TCF20: variants seen among roughly 807,000 people sequenced by gnomAD.
TCF20 encodes transcription factor 20.
In TCF20, 3 loss-of-function variants were observed where a neutral mutation model predicts 148.6. The observed-to-expected ratio is 0.02, with a 90% CI of 0.01 to 0.05. The LOEUF (loss-of-function observed/expected upper bound fraction) is 0.05, where lower values mean the gene tolerates loss of function less well. Among genes scored for constraint, TCF20 ranks in the 10% least tolerant of loss-of-function variants. The pLI is 1.00. For missense variants in TCF20, 2,350 were observed against 2,429.3 expected (o/e 0.97, Z 0.69); for synonymous variants, 1,049 against 909.5 (o/e 1.15, Z -2.76).
Position 42,268,050 on chromosome 22 carries a change from G to A in TCF20, c.-37+2289C>T, listed in dbSNP as rs1380827766. 3.9e-5 allele frequency among the ~76,000 whole-genome samples: 6 copies of A among 152,100 alleles called. No homozygotes were observed. The South Asian group carries it at 6.2e-4, about 16-fold the overall frequency. On this transcript the variant is annotated intron_variant, in intron 1 of 5. Transcript: ENST00000677622. Reference sequence around the variant, plus strand: ...AATCCCAGCTACTCGGGAGGCTGACGCAGGAGAATCACCTGAAACTGGGAG... The same window carrying A: ...AATCCCAGCTACTCGGGAGGCTGACACAGGAGAATCACCTGAAACTGGGAG...
intron 1 of TCF20, among the ~76,000 whole-genome samples, chr22:42,218,213 G>C (rs529409126): frequency 1.3e-5 from 2 of 152,232 alleles, no homozygotes; most frequent in Non-Finnish European, 2.9e-5. Flanking sequence ...AGGCAGCAGG[G>C]CTGGGGGCAG....
At chr22:42,223,965 G>C (rs1601619372) in intron 1 of TCF20, among the ~76,000 whole-genome samples, 1 of 152,138 alleles carries the variant, frequency 6.6e-6, no homozygotes, top group Non-Finnish European at 1.5e-5. Flanking sequence ...CTTCCTCCCT[G>C]ACTTGGGAGA....
At position 42,212,210 on chromosome 22, in the gene TCF20, G is replaced by A. The variant is rs2147207506; in HGVS notation, c.3096C>T (p.His1032=). 6.2e-7 allele frequency: 1 copy of A among 1,614,226 alleles called. No homozygotes were observed. The highest frequency in any genetic ancestry group is 8.5e-7 in the Non-Finnish European group (1 of 1,180,042). The change falls in exon 2 of 6, where the codon CAC becomes CAT. Residue 1032 remains histidine, a synonymous_variant. Transcript: ENST00000677622. ...RSRGPGGDPH[H]MNPHMTFSER... ...CTGAAAAGGTCATGTGTGGATTCATGTGATGAGGGTCTCCCCCTGGGCCTC... is the reference window on the plus strand; with the variant it reads ...CTGAAAAGGTCATGTGTGGATTCATATGATGAGGGTCTCCCCCTGGGCCTC...
intron 1 of TCF20, among the ~76,000 whole-genome samples, chr22:42,266,526 A>T (rs1926295663): frequency 6.6e-6 from 1 of 152,168 alleles, no homozygotes; most frequent in South Asian, 2.1e-4. Context: ...GCACTTTGGG[A>T]GGCTGAGGCA....
upstream of TCF20, among the ~76,000 whole-genome samples, chr22:42,273,057 G>T (rs1188373550): frequency 6.6e-6 from 1 of 151,868 alleles, no homozygotes; most frequent in Non-Finnish European, 1.5e-5. Context: ...AGGTGTTGTG[G>T]GACTCTCAAG....
intron 1 of TCF20, among the ~76,000 whole-genome samples, chr22:42,291,941 TGAGG>T (rs998961005): frequency 6.6e-6 from 1 of 151,970 alleles, no homozygotes; most frequent in Admixed American, 6.5e-5. Flanking sequence ...ACCACAGATG[TGAGG>T]GAGGAAGGTC....
chr22:42,167,251 A>G (rs377376196), intron 5 of TCF20, among the ~76,000 whole-genome samples: 122 of 152,332 alleles, frequency 8.0e-4, no homozygotes, highest in African/African-American at 2.7e-3. Flanking sequence ...GAAGGCACTC[A>G]GCAGCCCCCA....
intron 1 of TCF20, among the ~76,000 whole-genome samples, chr22:42,300,084 G>A (rs916439211): frequency 1.3e-5 from 2 of 152,144 alleles, no homozygotes; most frequent in African/African-American, 2.4e-5. Context: ...GGTAGAAGCC[G>A]CTGGGCCTGG....
chr22:42,201,030 T>A (rs1353712973), intron 2 of TCF20, among the ~76,000 whole-genome samples: 2 of 152,194 alleles, frequency 1.3e-5, no homozygotes, highest in Non-Finnish European at 2.9e-5. Context: ...CTGGATCATG[T>A]GGGTGCTATT....
intron 1 of TCF20, among the ~76,000 whole-genome samples, chr22:42,325,367 C>T (rs1195200001): frequency 6.6e-6 from 1 of 152,256 alleles, no homozygotes; most frequent in Non-Finnish European, 1.5e-5. Context: ...GTGGCCCCCA[C>T]TCAGCCACTC....
At chr22:42,181,711 G>A (rs1936784243) in intron 2 of TCF20, among the ~76,000 whole-genome samples, 1 of 150,748 alleles carries the variant, frequency 6.6e-6, no homozygotes, top group Non-Finnish European at 1.5e-5. Flanking sequence ...AGGCTCAGGT[G>A]ATTCTCCTGA....
chr22:42,293,374 G>T (rs1231740930), intron 1 of TCF20, among the ~76,000 whole-genome samples: 1 of 152,246 alleles, frequency 6.6e-6, no homozygotes, highest in Non-Finnish European at 1.5e-5. Flanking sequence ...CTAGGGCTCG[G>T]CATTCAGACA....
Position 42,211,084 on chromosome 22 carries a change from T to C in TCF20, c.4222A>G (p.Arg1408Gly). The C allele has an allele frequency of 6.2e-7, 1 of 1,614,180 alleles. No individual in the cohort carries two copies. The highest frequency in any genetic ancestry group is 1.7e-5 in the Admixed American group (1 of 60,028). The change falls in exon 2 of 6, where the codon AGA becomes GGA. Residue 1408 changes from arginine to glycine, a missense_variant. Around this residue, in one of 7 missense-constraint regions of TCF20, gnomAD observed 231 missense variants for 213.7 expected, o/e 1.08. Coordinates refer to ENST00000677622, the MANE Select transcript of TCF20 (RefSeq NM_001378418.1). ...VAVQDADIEK[R>G]KGEVASDLVS... ...AGGTCCGAAGCCACCTCACCTTTTC[T>C]CTTCTCTATGTCAGCATCCTGAACA...
chr22:42,184,402 G>A (rs937111540), intron 2 of TCF20, among the ~76,000 whole-genome samples: 1 of 152,056 alleles, frequency 6.6e-6, no homozygotes, highest in Non-Finnish European at 1.5e-5. Flanking sequence ...GCCAAAGATA[G>A]AATATAAATA....
In TCF20 at chr22:42,210,014, A is replaced by C; in HGVS notation, c.5292T>G (p.Thr1764=). Residue 1764 remains threonine, a synonymous_variant, in exon 2 of 6, where the codon ACT becomes ACG. Transcript: ENST00000677622. This position sits in a 1 kb window ranked among gnomAD's most constrained non-coding sequence, Gnocchi z 4.7. ...GCTGCTGCTGCTCTTCCTCCTCCTC[A>C]GTGTCCGTCTTGGAGCCATTAGAAG... The part of the protein sequence containing the change: ...KSASNGSKTD[T]EEEEEQQQQQ... 1 of 1,612,696 alleles carries C rather than the reference A, an allele frequency of 6.2e-7. No homozygotes were observed. The highest frequency in any genetic ancestry group is 8.5e-7 in the Non-Finnish European group (1 of 1,179,992).
intron 2 of TCF20, among the ~76,000 whole-genome samples, chr22:42,201,856 T>C (rs543039443): frequency 6.4e-4 from 98 of 152,284 alleles, no homozygotes; most frequent in Non-Finnish European, 1.3e-3. Flanking sequence ...TATCAAAACT[T>C]TGTCATCTCA....
At chr22:42,329,184 G>A (rs1927926830) in intron 1 of TCF20, among the ~76,000 whole-genome samples, 1 of 152,230 alleles carries the variant, frequency 6.6e-6, no homozygotes, top group Admixed American at 6.5e-5. Flanking sequence ...CGGCAGCGCA[G>A]TCACACCAAG....
intron 5 of TCF20, among the ~76,000 whole-genome samples, chr22:42,162,075 G>A (rs1243670490): frequency 7.2e-6 from 1 of 138,936 alleles, no homozygotes; most frequent in Admixed American, 8.3e-5. Flanking sequence ...CTGCCCCCTG[G>A]GTTCAAGTGA....
intron 1 of TCF20, 31 bp from the exon 2 acceptor site, chr22:42,215,372 A>T: frequency 1.3e-6 from 2 of 1,532,506 alleles, no homozygotes; most frequent in Non-Finnish European, 1.7e-6. Context: ...AACATTAGAC[A>T]CGCATCTCCT....
Sources: gnomAD v4.1 joint callset for allele counts (sites outside exome capture counted in the v4.1 genomes callset) on GRCh38, gnomAD v4.1.1 for gene constraint, gnomAD v4.1.1 regional missense constraint, Gnocchi (gnomAD v3.1) non-coding constraint, MANE v1.5 for transcripts, NCBI Gene and HGNC (gene_info 2026-07-23, HGNC 2026-07-21) for gene names.